DPEP3: variants seen among roughly 807,000 people sequenced by gnomAD.
DPEP3 encodes membrane-bound dipeptidase 3.
In DPEP3, 42 loss-of-function variants were observed where a neutral mutation model predicts 47.5. That is an observed-to-expected ratio of 0.88 (90% CI 0.69 to 1.14). The LOEUF is 1.14. Among genes scored for constraint, DPEP3 ranks in the 50% most tolerant of loss-of-function variants. DPEP3 has a pLI of 0.00. For synonymous variants in DPEP3, 276 were observed against 270.2 expected, an observed-to-expected ratio of 1.02 and a Z score of -0.21; for missense variants, 560 against 635.0, an observed-to-expected ratio of 0.88 and a Z score of 1.27.
At chr16:67,979,948 G>A (rs2031286506) in intron 1 of DPEP3, 146 bp downstream of exon 1, 2 of 1,357,670 alleles carry the variant, frequency 1.5e-6, no homozygotes, top group Admixed American at 2.5e-5. Context: ...GCGGGGAAGG[G>A]CACCCATGGG....
chr16:67,976,053 C>G (rs376564619), intron 9 of DPEP3, 40 bp downstream of exon 9: 78 of 1,613,782 alleles, frequency 4.8e-5, no homozygotes, highest in Non-Finnish European at 6.6e-5. Context: ...CCCTCCCCTT[C>G]TCAAACCACT....
At chr16:67,980,066 G>T in intron 1 of DPEP3, 28 bp downstream of exon 1, 1 of 1,588,116 alleles carries the variant, frequency 6.3e-7, no homozygotes, top group Non-Finnish European at 8.6e-7. Flanking sequence ...TGCTCACCCC[G>T]CGTTGCCCAA....
In DPEP3 at chr16:67,976,131, G is replaced by C; in HGVS notation, c.1192C>G (p.Arg398Gly). 1 of 1,614,156 alleles carries C rather than the reference G, an allele frequency of 6.2e-7. No individual in the cohort carries two copies. The highest frequency in any genetic ancestry group is 8.5e-7 in the Non-Finnish European group (1 of 1,180,026). ...CTGAAGACCCGCAGCAGGTTTCCAC[G>C]AAGGACACCTTGAAGCTCTTCCTCG... ...WSEEELQGVL[R>G]GNLLRVFRQV... Residue 398 changes from arginine (R) to glycine (G), a missense_variant, in exon 9 of 10, where the codon CGT becomes GGT. Coordinates refer to ENST00000268793, the MANE Select transcript of DPEP3 (RefSeq NM_001370198.1).
In DPEP3 at chr16:67,978,532, G is replaced by A; in HGVS notation, c.509C>T (p.Ser170Phe). 1 of 1,614,144 alleles carries A rather than the reference G, an allele frequency of 6.2e-7. No homozygotes were observed. Among genetic ancestry groups the A allele is most frequent in the Non-Finnish European group, 8.5e-7 (1 of 1,180,012 alleles). ...QIDLIHRMCA[S>F]YSELELVTSA... ...GGTCACAAGCTCGAGTTCAGAGTAG[G>A]AGGCACACATGCGGTGAATGAGGTC... Residue 170 changes from serine (S) to phenylalanine (F), a missense_variant, in exon 3 of 10, where the codon TCC becomes TTC. Coordinates refer to ENST00000268793, the MANE Select transcript of DPEP3 (RefSeq NM_001370198.1). This position sits in a 1 kb window ranked among gnomAD's most constrained non-coding sequence, Gnocchi z 4.4.
Position 67,978,432 on chromosome 16 carries a change from T to C in DPEP3, c.545-24A>G. The C allele has an allele frequency of 6.2e-7, 1 of 1,613,900 alleles. No homozygotes were observed. Among genetic ancestry groups the C allele is most frequent in the Non-Finnish European group, 8.5e-7 (1 of 1,179,868 alleles). ...ACCTAGAAGGAGGTAGAGAGTCAAG[T>C]GGTTAGATCCCAGGAACAGAACCTC... On this transcript the variant is annotated intron_variant, in intron 3 of 9. Transcript: ENST00000268793. This position sits in a 1 kb window ranked among gnomAD's most constrained non-coding sequence, Gnocchi z 4.4.
chr16:67,975,959 A>G lies in DPEP3; in HGVS notation c.1273T>C (p.Phe425Leu). Residue 425 changes from phenylalanine to leucine, a missense_variant, in exon 10 of 10, where the codon TTT (phenylalanine) becomes CTT (leucine). Coordinates refer to ENST00000268793, the MANE Select transcript of DPEP3 (RefSeq NM_001370198.1). Reference sequence around the variant, plus strand: ...GATGTGCTCAGTTGCCCATATGGAAACTCAGCCTCCACGGGGCTCTGCGCC... The same window carrying G: ...GATGTGCTCAGTTGCCCATATGGAAGCTCAGCCTCCACGGGGCTCTGCGCC... ...SRAQSPVEAEFPYGQLSTSCH... is the reference protein window; with the variant it reads ...SRAQSPVEAELPYGQLSTSCH... 1 of 1,613,710 alleles carries G rather than the reference A, an allele frequency of 6.2e-7. No homozygotes were observed. Among genetic ancestry groups the G allele is most frequent in the East Asian group, 2.2e-5 (1 of 44,866 alleles).
At chr16:67,977,413 G>T in intron 6 of DPEP3, 59 bp from the exon 7 acceptor site, 1 of 1,533,880 alleles carries the variant, frequency 6.5e-7, no homozygotes. Flanking sequence ...TGCCTCCTGT[G>T]CTGTGGGGGC....
rs562465144 is a variant in DPEP3 at position 67,979,580 on chromosome 16, C to T, written c.414+59G>A. ...CCCAGAGGCTGGCTGACCCAGGTTT[C>T]TGTGACCCCAACATCCCCCAGCAGC... On this transcript the variant is annotated intron_variant, in intron 2 of 9. Coordinates refer to ENST00000268793, the MANE Select transcript of DPEP3 (RefSeq NM_001370198.1). 7.5e-6 allele frequency: 12 copies of T among 1,603,054 alleles called. No individual in the cohort carries two copies. The Admixed American group carries it at 1.7e-4, about 22-fold the overall frequency.
At position 67,980,477 on chromosome 16, in the gene DPEP3, G is replaced by C; in HGVS notation, c.-97C>G. Reference sequence around the variant, plus strand: ...TCATGACGACCCAGCCTCCCGAAGAGGGGGTTGAAGTCACGCGACTCTGAG... The same window carrying C: ...TCATGACGACCCAGCCTCCCGAAGACGGGGTTGAAGTCACGCGACTCTGAG... On this transcript the variant is annotated 5_prime_UTR_variant, in exon 1 of 10. Transcript: ENST00000268793. The C allele has an allele frequency of 2.8e-6, 4 of 1,434,828 alleles. No homozygotes were observed. The highest frequency in any genetic ancestry group is 3.0e-5 in the Admixed American group (1 of 33,556). 88.9% of individuals were successfully genotyped at this position (1,434,828 alleles called of 1,614,324 possible).
At position 67,978,119 on chromosome 16, in the gene DPEP3, C is replaced by T. The variant is rs1332502010; in HGVS notation, c.687-112G>A. 8 of 1,574,458 alleles carry T rather than the reference C, an allele frequency of 5.1e-6. No homozygotes were observed. The highest frequency in any genetic ancestry group is 7.0e-6 in the Non-Finnish European group (8 of 1,148,218). On this transcript the variant is annotated intron_variant, in intron 4 of 9. Coordinates refer to ENST00000268793, the MANE Select transcript of DPEP3 (RefSeq NM_001370198.1). This position sits in a 1 kb window ranked among gnomAD's most constrained non-coding sequence, Gnocchi z 4.4. ...GCTTCCAGAACAGGTGCAGAACCAG[C>T]TGCTTTCTGGGATTGTGAGGGACCC...
chr16:67,978,330 A>G lies in DPEP3; in HGVS notation c.623T>C (p.Leu208Pro). The change falls in exon 4 of 10, where the codon CTG becomes CCG. Residue 208 changes from leucine to proline, a missense_variant. By Grantham distance (98) the Leu-to-Pro change is moderately conservative. Transcript: ENST00000268793. This position sits in a 1 kb window ranked among gnomAD's most constrained non-coding sequence, Gnocchi z 4.4. ...CACCCCCAGCACATAGAAACTGCGC[A>G]GCACAGAGAGGCTGCTGTCCAGTGA... ...GHSLDSSLSV[L>P]RSFYVLGVRY... 1.2e-6 allele frequency: 2 copies of G among 1,614,182 alleles called. No homozygotes were observed. The highest frequency in any genetic ancestry group is 1.7e-6 in the Non-Finnish European group (2 of 1,180,010).
intron 1 of DPEP3, 151 bp downstream of exon 1, chr16:67,979,943 G>A: frequency 7.3e-7 from 1 of 1,360,638 alleles, no homozygotes; most frequent in Non-Finnish European, 9.9e-7. Flanking sequence ...GTAATGCGGG[G>A]AAGGGCACCC....
rs150674946 is a variant in DPEP3, at chr16:67,978,577, C to T, written c.464G>A (p.Arg155His). ...GAGGTCAATCTGCTCCAGGGCGAGG[C>T]GCACGGCAGTCTGGTCCTGGGACTG... The part of the protein sequence containing the change: ...SCQSQDQTAV[R>H]LALEQIDLIH... Residue 155 changes from arginine to histidine, a missense_variant, in exon 3 of 10, where the codon CGC (arginine) becomes CAC (histidine). Coordinates refer to ENST00000268793, the MANE Select transcript of DPEP3 (RefSeq NM_001370198.1). This position sits in a 1 kb window ranked among gnomAD's most constrained non-coding sequence, Gnocchi z 4.4. The T allele has an allele frequency of 2.7e-3, 4,380 of 1,613,978 alleles. 13 individuals are homozygous for T. The highest frequency in any genetic ancestry group is 3.3e-3 in the Non-Finnish European group (3,928 of 1,179,934).
At position 67,978,293 on chromosome 16, in the gene DPEP3, T is replaced by C. The variant is rs2031244859; in HGVS notation, c.660A>G (p.Thr220=). 2.5e-6 allele frequency: 4 copies of C among 1,614,068 alleles called. No individual in the cohort carries two copies. The East Asian group carries it at 8.9e-5, about 36-fold the overall frequency. ...SFYVLGVRYL[T]LTFTCSTPWA... is the part of the protein sequence containing the mutation. ...ATGGTGTACTGCAGGTGAAGGTAAG[T>C]GTCAGGTAGCGCACCCCCAGCACAT... Residue 220 remains threonine (T), a synonymous_variant, in exon 4 of 10, where the codon ACA becomes ACG. Transcript: ENST00000268793. The surrounding 1 kb of genome is among the most constrained non-coding windows in gnomAD (Gnocchi z 4.4).
At position 67,977,299 on chromosome 16, in the gene DPEP3, T is replaced by G. The variant is rs1277721872; in HGVS notation, c.989A>C (p.Asn330Thr). The G allele has an allele frequency of 6.2e-7, 1 of 1,613,876 alleles. No individual in the cohort carries two copies. Among genetic ancestry groups the G allele is most frequent in the South Asian group, 1.1e-5 (1 of 91,074 alleles). The change falls in exon 7 of 10, where the codon AAC (asparagine) becomes ACC (threonine). Residue 330 changes from asparagine to threonine, a missense_variant. Coordinates refer to ENST00000268793, the MANE Select transcript of DPEP3 (RefSeq NM_001370198.1). ...CACAGTGGACACGTTAGCAAGCAGG[T>G]TGCACTGCAGCACCCCCATGGACAG... Reference protein sequence around the residue: ...VTLSMGVLQCNLLANVSTVAD... With the variant: ...VTLSMGVLQCTLLANVSTVAD...
intron 2 of DPEP3, among the ~76,000 whole-genome samples, 161 bp downstream of exon 2, chr16:67,979,478 C>G (rs1394519654): frequency 2.0e-5 from 3 of 152,222 alleles, no homozygotes; most frequent in African/African-American, 4.8e-5. Flanking sequence ...ATGCAGCTAG[C>G]CTGTCTTGGC....
chr16:67,979,892 G>A, intron 1 of DPEP3, 127 bp from the exon 2 acceptor site: 3 of 1,457,016 alleles, frequency 2.1e-6, no homozygotes, highest in East Asian at 2.5e-5. Flanking sequence ...ACCTCCTGAG[G>A]TTGGGTTGGA....
rs758444637 is a variant in DPEP3, at chr16:67,976,196, TATGTGGACAC to T, written c.1117_1126del (p.Val373ThrfsTer4). ...CAGCAACTCCTCTATCAGGACTGGGTATGTGGACACATCCTCCAGCCCCTGAGGGAACCTG... is the reference window on the plus strand; with the variant it reads ...CAGCAACTCCTCTATCAGGACTGGGTATCCTCCAGCCCCTGAGGGAACCTG... On this transcript the variant is annotated frameshift_variant, in exon 9 of 10. Coordinates refer to ENST00000268793, the MANE Select transcript of DPEP3 (RefSeq NM_001370198.1). LOFTEE classifies it high-confidence loss of function. The T allele has an allele frequency of 6.2e-7, 1 of 1,614,176 alleles. No individual in the cohort carries two copies. The highest frequency in any genetic ancestry group is 8.5e-7 in the Non-Finnish European group (1 of 1,180,030).
chr16:67,978,518 C>A lies in DPEP3; in HGVS notation c.523G>T (p.Glu175Ter), dbSNP rs752234473. Residue 175 changes from glutamate (E) to a stop codon, truncating the protein, a stop_gained, in exon 3 of 10, where the codon GAG becomes TAG. Coordinates refer to ENST00000268793, the MANE Select transcript of DPEP3 (RefSeq NM_001370198.1). LOFTEE classifies it high-confidence loss of function. The surrounding 1 kb of genome is among the most constrained non-coding windows in gnomAD (Gnocchi z 4.4). ...CCACCTTCAGCTGAGGTCACAAGCT[C>A]GAGTTCAGAGTAGGAGGCACACATG... ...HRMCASYSEL[E>*]LVTSAEGLNS... 1 of 1,614,104 alleles carries A rather than the reference C, an allele frequency of 6.2e-7. No homozygotes were observed. Among genetic ancestry groups the A allele is most frequent in the Non-Finnish European group, 8.5e-7 (1 of 1,179,976 alleles).
Sources: allele counts gnomAD v4.1 joint callset (sites outside exome capture counted in the v4.1 genomes callset), GRCh38; gene constraint gnomAD v4.1.1; non-coding constraint Gnocchi (gnomAD v3.1); transcripts MANE v1.5; gene names NCBI Gene and HGNC (gene_info 2026-07-23, HGNC 2026-07-21).